The following LINGO1 variants were observed in gnomAD, a reference collection of about 807,000 sequenced individuals.
The protein encoded by LINGO1 is leucine-rich repeat and immunoglobulin-like domain-containing nogo receptor-interacting protein 1.
A neutral mutation model predicts 37.3 loss-of-function variants in LINGO1; 11 were observed. The observed-to-expected ratio is 0.29, with a 90% CI of 0.19 to 0.49. The LOEUF is 0.49. Ranked by LOEUF, LINGO1 falls within the 20% of genes least tolerant of loss-of-function variation. The pLI, the probability that LINGO1 is intolerant of heterozygous loss-of-function variation, is 0.99. For missense variants in LINGO1, 585 were observed against 878.2 expected (o/e 0.67, Z 4.22); for synonymous variants, 387 against 403.0 (o/e 0.96, Z 0.48).
intron 3 of LINGO1, chr15:77,646,425 G>A (rs930566195): frequency 4.6e-5 from 21 of 455,604 alleles, no homozygotes; most frequent in African/African-American, 1.4e-4. Flanking sequence ...CGGCTAGGGG[G>A]CAGGGAAGGC....
intron 1 of LINGO1, among the ~76,000 whole-genome samples, chr15:77,742,396 G>C (rs922818636): frequency 2.6e-5 from 4 of 152,174 alleles, no homozygotes; most frequent in African/African-American, 9.7e-5. Context: ...CCAGGTGCCG[G>C]GCACATCAGC....
chr15:77,744,426 C>T (rs529297910), intron 1 of LINGO1, among the ~76,000 whole-genome samples: 27 of 152,160 alleles, frequency 1.8e-4, no homozygotes, highest in Admixed American at 5.2e-4. Flanking sequence ...CCCAGCTACT[C>T]GGGAGGCTGA....
upstream of LINGO1, among the ~76,000 whole-genome samples, chr15:77,638,968 C>A (rs940433733): frequency 5.3e-5 from 8 of 152,198 alleles, no homozygotes; most frequent in Non-Finnish European, 1.2e-4. Context: ...TGGTTTCCAT[C>A]TTGGGTACCT....
At chr15:77,696,578 A>G (rs1346564117), upstream of LINGO1, 2 of 152,398 alleles carry the variant, frequency 1.3e-5, no homozygotes, top group African/African-American at 4.8e-5. Context: ...TGCTCTGCCC[A>G]CCGCGGAGGG....
intron 3 of LINGO1, among the ~76,000 whole-genome samples, chr15:77,653,123 A>G (rs1358813310): frequency 6.6e-6 from 1 of 152,244 alleles, no homozygotes. Flanking sequence ...CCAAAGAGGA[A>G]AAGTGACTTG....
chr15:77,625,791 G>C (rs533742657), intron 1 of LINGO1, among the ~76,000 whole-genome samples: 1 of 152,194 alleles, frequency 6.6e-6, no homozygotes, highest in African/African-American at 2.4e-5. Flanking sequence ...GGGGCCTGCT[G>C]AGCTGTGTCA....
chr15:77,764,485 C>A (rs1046189674), intron 1 of LINGO1, among the ~76,000 whole-genome samples: 1 of 152,092 alleles, frequency 6.6e-6, no homozygotes, highest in African/African-American at 2.4e-5. Context: ...TTCTGCAAAT[C>A]AATAAGAAAA....
At chr15:77,682,253 T>C (rs1158785611) in intron 2 of LINGO1, among the ~76,000 whole-genome samples, 3 of 147,724 alleles carry the variant, frequency 2.0e-5, no homozygotes, top group East Asian at 2.0e-4. Flanking sequence ...TCTAATGCCA[T>C]ACTCATATGG....
intron 3 of LINGO1, among the ~76,000 whole-genome samples, chr15:77,670,944 G>A (rs1177255474): frequency 6.6e-6 from 1 of 152,220 alleles, no homozygotes; most frequent in African/African-American, 2.4e-5. Flanking sequence ...CCCAGGCCCT[G>A]TCTATCATCC....
intron 2 of LINGO1, among the ~76,000 whole-genome samples, chr15:77,732,899 C>T (rs143173245): frequency 6.2e-4 from 94 of 152,324 alleles, no homozygotes; most frequent in Non-Finnish European, 9.7e-4. Flanking sequence ...CATAAATAAT[C>T]GAAGGTGCTC....
In LINGO1 at chr15:77,717,089, G is replaced by A. The variant is rs1567543893; in HGVS notation, c.-195+17903C>T. Among the ~76,000 whole-genome samples the A allele has an allele frequency of 4.0e-5, 6 of 150,350 alleles. 1 individual carries two copies. The highest frequency in any genetic ancestry group is 6.7e-5 in the Admixed American group (1 of 15,008). On this transcript the variant is annotated intron_variant, in intron 2 of 3. Coordinates refer to the LINGO1 transcript ENST00000561686. Reference sequence around the variant, plus strand: ...CTGAGCCGCGGGGTGCTCAAGCTCAGCACTCTGCTCCCCAGCGCCCCTTGC... The same window carrying A: ...CTGAGCCGCGGGGTGCTCAAGCTCAACACTCTGCTCCCCAGCGCCCCTTGC...
chr15:77,794,373 CGT>C (rs1567588160), intron 2 of LINGO1, among the ~76,000 whole-genome samples: 5,346 of 62,478 alleles, frequency 0.086, 2,102 homozygotes, highest in Non-Finnish European at 0.11. Flanking sequence ...TATATACATA[CGT>C]ATATGTATAT....
intron 3 of LINGO1, among the ~76,000 whole-genome samples, chr15:77,656,421 C>T (rs763616269): frequency 9.9e-5 from 15 of 152,198 alleles, no homozygotes; most frequent in Non-Finnish European, 2.1e-4. Context: ...ACACCGCCTG[C>T]GAAGTATGGT....
chr15:77,725,563 C>CAAATAAAT (rs542901199), intron 2 of LINGO1, among the ~76,000 whole-genome samples: 2 of 152,180 alleles, frequency 1.3e-5, no homozygotes, highest in East Asian at 1.9e-4. Context: ...ACCCTGTCTC[C>CAAATAAAT]AAATAAATAA....
chr15:77,648,806 C>G (rs575911370), intron 3 of LINGO1: 26 of 152,470 alleles, frequency 1.7e-4, no homozygotes, highest in African/African-American at 6.0e-4. Context: ...GCACCCTGCT[C>G]TCCAGGGCTG....
chr15:77,675,898 C>T (rs1228935697), intron 3 of LINGO1, among the ~76,000 whole-genome samples: 1 of 152,198 alleles, frequency 6.6e-6, no homozygotes, highest in Non-Finnish European at 1.5e-5. Flanking sequence ...CCCACTCTGG[C>T]TCCCCAAAGT....
intron 1 of LINGO1, among the ~76,000 whole-genome samples, chr15:77,786,425 C>G (rs1221715318): frequency 6.6e-6 from 1 of 152,178 alleles, no homozygotes; most frequent in Non-Finnish European, 1.5e-5. Context: ...AGGACCCATT[C>G]TCCCCTCCCT....
At chr15:77,794,590 ATTTT>A (rs370121489) in intron 2 of LINGO1, among the ~76,000 whole-genome samples, 1,845 of 93,462 alleles carry the variant, frequency 0.02, 58 homozygotes, top group African/African-American at 0.061. Flanking sequence ...ATATATATAT[ATTTT>A]TTTTTTTTTT....
intron 1 of LINGO1, among the ~76,000 whole-genome samples, chr15:77,631,259 G>A (rs550767867): frequency 1.3e-5 from 2 of 152,342 alleles, no homozygotes; most frequent in South Asian, 2.1e-4. Flanking sequence ...GGAGGGCTGG[G>A]CGAGCAGGAA....
Sources: allele counts gnomAD v4.1 joint callset (sites outside exome capture counted in the v4.1 genomes callset), GRCh38; gene constraint gnomAD v4.1.1; transcripts MANE v1.5; gene names NCBI Gene and HGNC (gene_info 2026-07-23, HGNC 2026-07-21).